Variants in NUDC observed in about 807,000 individuals in gnomAD.
The protein encoded by NUDC is nuclear migration protein nudC.
In NUDC, 14 loss-of-function variants were observed where a neutral mutation model predicts 45.0. The observed-to-expected ratio is 0.31, with a 90% CI of 0.21 to 0.49. The LOEUF (loss-of-function observed/expected upper bound fraction) is 0.49, where lower values mean the gene tolerates loss of function less well. Among genes scored for constraint, NUDC ranks in the 20% least tolerant of loss-of-function variants. NUDC has a pLI of 0.99. For missense variants in NUDC, 323 were observed against 426.2 expected (o/e 0.76, Z 2.13); for synonymous variants, 153 against 156.7 (o/e 0.98, Z 0.17).
chr1:26,946,089 A>G (rs752467284), intron 8 of NUDC, 41 bp from the exon 9 acceptor site: 8 of 1,591,304 alleles, frequency 5.0e-6, no homozygotes, highest in Non-Finnish European at 6.9e-6. Flanking sequence ...CAGCTTTAGA[A>G]GAGAAGGATG....
intron 1 of NUDC, chr1:26,922,394 A>G (rs2082099306): frequency 1.0e-5 from 2 of 200,652 alleles, no homozygotes; most frequent in Admixed American, 1.1e-4. Context: ...ATTAGTTTCC[A>G]CCACCTACCA....
At chr1:26,922,014 C>A in intron 1 of NUDC, 85 bp downstream of exon 1, 1 of 1,374,148 alleles carries the variant, frequency 7.3e-7, no homozygotes. Context: ...CTGAGACCCA[C>A]CCCAGCGGCT....
rs2082097011 is a variant in NUDC, at chr1:26,922,169, A to C, written c.81+240A>C. 4 of 581,050 alleles carry C rather than the reference A, an allele frequency of 6.9e-6. No homozygotes were observed. In the Admixed American group the frequency reaches 1.2e-4, roughly 17 times the overall value. 36.0% of individuals were successfully genotyped at this position (581,050 alleles called of 1,614,324 possible). On this transcript the variant is annotated intron_variant, in intron 1 of 8. Coordinates refer to ENST00000321265, the MANE Select transcript of NUDC (RefSeq NM_006600.4). ...AAATTATCGCATCCCTGAGCTTAGG[A>C]TCCCCCTTTAGTTTCACATATGCCC...
chr1:26,931,208 GC>G (rs1372673386), intron 2 of NUDC, among the ~76,000 whole-genome samples: 1 of 149,898 alleles, frequency 6.7e-6, no homozygotes, highest in Non-Finnish European at 1.5e-5. Context: ...CTCCCGAGTA[GC>G]TGGGATTACA....
chr1:26,923,750 G>T (rs1019632826), intron 1 of NUDC, among the ~76,000 whole-genome samples: 4 of 152,152 alleles, frequency 2.6e-5, no homozygotes, highest in Non-Finnish European at 4.4e-5. Flanking sequence ...GGGATTATAG[G>T]TGTGAGCCAG....
intron 6 of NUDC, chr1:26,945,159 TCCC>T: frequency 1.7e-6 from 1 of 599,296 alleles, no homozygotes; most frequent in South Asian, 2.0e-5. Context: ...GATGAATATC[TCCC>T]TTTCTGCTTT....
At chr1:26,925,466 G>T (rs1216796803) in intron 2 of NUDC, among the ~76,000 whole-genome samples, 1 of 140,972 alleles carries the variant, frequency 7.1e-6, no homozygotes, top group Non-Finnish European at 1.5e-5. Context: ...CGTGAACCCC[G>T]GGGGGCGGAG....
chr1:26,932,598 C>A (rs1230579863), intron 2 of NUDC, among the ~76,000 whole-genome samples: 1 of 152,064 alleles, frequency 6.6e-6, no homozygotes, highest in Non-Finnish European at 1.5e-5. Context: ...TCTAGGATAA[C>A]AGATGTGAGC....
intron 2 of NUDC, among the ~76,000 whole-genome samples, chr1:26,925,626 T>C (rs2082125768): frequency 6.6e-6 from 1 of 152,046 alleles, no homozygotes; most frequent in South Asian, 2.1e-4. Context: ...TTTAAGGATT[T>C]CTGTTTTGTA....
intron 1 of NUDC, chr1:26,900,469 A>T: frequency 1.3e-6 from 2 of 1,582,442 alleles, no homozygotes; most frequent in Non-Finnish European, 8.6e-7. Context: ...ATCAGCTAGA[A>T]CCAAGTCTCG....
Position 26,913,783 on chromosome 1 carries a change from T to C in NUDC, c.93+2548T>C, listed in dbSNP as rs758629059. 5.8e-6 allele frequency: 9 copies of C among 1,557,018 alleles called. No individual in the cohort carries two copies. The highest frequency in any genetic ancestry group is 7.0e-6 in the Non-Finnish European group (8 of 1,149,820). On this transcript the variant is annotated intron_variant, in intron 3 of 6. Coordinates refer to the NUDC transcript ENST00000435827. The stretch of plus-strand genomic sequence containing the variant: ...ATCCAAGGCCTCCCGGCAGGTGCGA[T>C]GAGGTGCACATAGCTGGACGGGCCG...
chr1:26,941,405 G>A (rs2124137139), intron 2 of NUDC, 52 bp from the exon 3 acceptor site: 1 of 1,585,956 alleles, frequency 6.3e-7, no homozygotes, highest in Non-Finnish European at 8.6e-7. Context: ...ACTCCAGGCT[G>A]TGGGACACTG....
Position 26,942,860 on chromosome 1 carries a change from G to T in NUDC, c.547-11G>T, listed in dbSNP as rs751406686. On this transcript the variant is annotated splice_polypyrimidine_tract_variant and intron_variant, in intron 5 of 8. Coordinates refer to ENST00000321265, the MANE Select transcript of NUDC (RefSeq NM_006600.4). Reference sequence around the variant, plus strand: ...TTAGTGGCCTCTTCTGACTGCCTCTGCCCTATGCAGCTGGCGGTCCCTTTC... The same window carrying T: ...TTAGTGGCCTCTTCTGACTGCCTCTTCCCTATGCAGCTGGCGGTCCCTTTC... The T allele has an allele frequency of 1.2e-6, 2 of 1,613,878 alleles. No individual in the cohort carries two copies. The highest frequency in any genetic ancestry group is 1.7e-6 in the Non-Finnish European group (2 of 1,180,026).
chr1:26,926,867 G>A (rs543676226), intron 2 of NUDC, among the ~76,000 whole-genome samples: 214 of 152,272 alleles, frequency 1.4e-3, no homozygotes, highest in Middle Eastern at 6.8e-3. Context: ...CCAAAGTGCT[G>A]GGATTACAGG....
chr1:26,931,138 C>T (rs1027290151), intron 2 of NUDC, among the ~76,000 whole-genome samples: 2 of 151,870 alleles, frequency 1.3e-5, no homozygotes, highest in African/African-American at 2.4e-5. Flanking sequence ...AGTGCAGTGG[C>T]GCCATCTTGG....
Position 26,946,133 on chromosome 1 carries a change from C to T in NUDC, c.948C>T (p.Phe316=), listed in dbSNP as rs745403441. 7.4e-6 allele frequency: 12 copies of T among 1,613,770 alleles called. No individual in the cohort carries two copies. The highest frequency in any genetic ancestry group is 1.7e-5 in the Admixed American group (1 of 59,996). The change falls in exon 9 of 9, where the codon TTC becomes TTT. Residue 316 remains phenylalanine (F), a synonymous_variant. Transcript: ENST00000321265. ...CATCTTGCTTCCGTTTCTCCAGGTT[C>T]ATGGATCAACATCCGGAGATGGATT... ...EQKKQEILKK[F]MDQHPEMDFS...
intron 2 of NUDC, among the ~76,000 whole-genome samples, chr1:26,939,445 G>A (rs796275222): frequency 6.6e-5 from 10 of 152,162 alleles, no homozygotes; most frequent in African/African-American, 2.4e-4. Context: ...GGGCAACATG[G>A]CAAAACCTTG....
chr1:26,921,920 C>A lies in NUDC; in HGVS notation c.72C>A (p.Gly24=). Residue 24 remains glycine, a synonymous_variant, in exon 1 of 9, where the codon GGC becomes GGA. Transcript: ENST00000321265. ...CCATGGCTCAGCAGCACGAGGGCGGCGTGCAGGAGGTAACGGCCCGCGCGG... is the reference window on the plus strand; with the variant it reads ...CCATGGCTCAGCAGCACGAGGGCGGAGTGCAGGAGGTAACGGCCCGCGCGG... ...LLAMAQQHEG[G]VQELVNTFFS... 1 of 1,552,308 alleles carries A rather than the reference C, an allele frequency of 6.4e-7. No individual in the cohort carries two copies. Among genetic ancestry groups the A allele is most frequent in the Non-Finnish European group, 8.7e-7 (1 of 1,147,576 alleles).
At chr1:26,939,673 G>A (rs1477107781) in intron 2 of NUDC, among the ~76,000 whole-genome samples, 2 of 152,150 alleles carry the variant, frequency 1.3e-5, no homozygotes, top group African/African-American at 4.8e-5. Context: ...AGTAGACCAG[G>A]AACTCAAATC....
Sources: gnomAD v4.1 joint callset for allele counts (sites outside exome capture counted in the v4.1 genomes callset) on GRCh38, gnomAD v4.1.1 for gene constraint, MANE v1.5 for transcripts, NCBI Gene and HGNC (gene_info 2026-07-23, HGNC 2026-07-21) for gene names.